Variants in ITGA8 observed in about 807,000 individuals in gnomAD.
ITGA8 encodes the protein integrin alpha-8.
Under a neutral mutation model 142.3 loss-of-function variants are expected in ITGA8, and 91 were observed. That is an observed-to-expected ratio of 0.64 (90% confidence interval 0.54 to 0.76). ITGA8 has a LOEUF of 0.76. Among genes scored for constraint, ITGA8 ranks in the 30% least tolerant of loss-of-function variants. ITGA8 has a pLI of 0.00. For synonymous variants in ITGA8, 505 were observed against 485.2 expected, an observed-to-expected ratio of 1.04 and a Z score of -0.54; for missense variants, 1,406 against 1,327.7, an observed-to-expected ratio of 1.06 and a Z score of -0.92.
At chr10:15,565,533 G>T (rs1448615444) in intron 25 of ITGA8, among the ~76,000 whole-genome samples, 6 of 141,670 alleles carry the variant, frequency 4.2e-5, no homozygotes, top group Admixed American at 3.5e-4. Context: ...GGAGTTAATG[G>T]TAAAGATATA....
chr10:15,521,515 T>C (rs1470332981), intron 28 of ITGA8, among the ~76,000 whole-genome samples: 1 of 152,138 alleles, frequency 6.6e-6, no homozygotes, highest in Non-Finnish European at 1.5e-5. Context: ...AGGAGTGAGA[T>C]AGGGAGAGAG....
At chr10:15,716,027 T>A (rs569137239) in intron 2 of ITGA8, among the ~76,000 whole-genome samples, 2 of 152,322 alleles carry the variant, frequency 1.3e-5, no homozygotes, top group African/African-American at 4.8e-5. Flanking sequence ...ATGGCCGACA[T>A]GGGGAACTTT....
intron 25 of ITGA8, among the ~76,000 whole-genome samples, chr10:15,570,641 A>C (rs1834163691): frequency 6.6e-6 from 1 of 151,200 alleles, no homozygotes; most frequent in East Asian, 1.9e-4. Flanking sequence ...AAAAGAGAAT[A>C]AGTGGGGAGT....
intron 8 of ITGA8, among the ~76,000 whole-genome samples, chr10:15,669,842 G>A (rs4356130): frequency 6.6e-6 from 1 of 151,930 alleles, no homozygotes; most frequent in Admixed American, 6.6e-5. Flanking sequence ...TTGGTGAACC[G>A]CAGATGCTGC....
At chr10:15,690,688 CAG>C (rs1834917717) in intron 2 of ITGA8, among the ~76,000 whole-genome samples, 1 of 152,128 alleles carries the variant, frequency 6.6e-6, no homozygotes, top group South Asian at 2.1e-4. Flanking sequence ...AAAATGAAAA[CAG>C]AAAGATTTCT....
chr10:15,651,992 T>C (rs961706786), intron 11 of ITGA8, among the ~76,000 whole-genome samples: 1 of 152,180 alleles, frequency 6.6e-6, no homozygotes, highest in Non-Finnish European at 1.5e-5. Context: ...AGTAAATTAA[T>C]GGAAATATCC....
intron 2 of ITGA8, among the ~76,000 whole-genome samples, chr10:15,710,591 AAC>A (rs1189965839): frequency 2.0e-5 from 3 of 152,196 alleles, no homozygotes; most frequent in African/African-American, 7.2e-5. Flanking sequence ...GGTGTGTGGC[AAC>A]ACGTGTGTAT....
chr10:15,671,080 G>A (rs1834506500), intron 8 of ITGA8, among the ~76,000 whole-genome samples: 1 of 152,110 alleles, frequency 6.6e-6, no homozygotes, highest in Admixed American at 6.6e-5. Context: ...ATGTCCATCA[G>A]CCCTGGTAGA....
intron 25 of ITGA8, among the ~76,000 whole-genome samples, chr10:15,567,072 C>T (rs1467629899): frequency 6.7e-6 from 1 of 150,308 alleles, no homozygotes; most frequent in African/African-American, 2.4e-5. Context: ...GGAGAATGAC[C>T]TGAACCCAGG....
intron 27 of ITGA8, among the ~76,000 whole-genome samples, chr10:15,531,391 C>T (rs1220511160): frequency 6.6e-6 from 1 of 152,122 alleles, no homozygotes; most frequent in East Asian, 1.9e-4. Context: ...TCTATCCAAG[C>T]ATCCATCTAT....
intron 14 of ITGA8, among the ~76,000 whole-genome samples, chr10:15,615,639 G>A (rs769673992): frequency 4.6e-5 from 7 of 152,046 alleles, no homozygotes; most frequent in Non-Finnish European, 1.0e-4. Flanking sequence ...TCAGCCTCCC[G>A]AGTAGCTGGG....
At chr10:15,608,114 G>A in intron 16 of ITGA8, 121 bp downstream of exon 16, 1 of 741,566 alleles carries the variant, frequency 1.3e-6, no homozygotes, top group South Asian at 1.6e-5. Flanking sequence ...TTCCATATAT[G>A]CAACAGATAT....
chr10:15,680,324 T>C (rs1237960012), intron 4 of ITGA8, among the ~76,000 whole-genome samples: 1 of 147,500 alleles, frequency 6.8e-6, no homozygotes, highest in Non-Finnish European at 1.5e-5. Context: ...GCCTCCCGGG[T>C]TCACGCCATT....
At chr10:15,592,159 A>T (rs902673530) in intron 22 of ITGA8, 66 bp downstream of exon 22, 14 of 1,211,038 alleles carry the variant, frequency 1.2e-5, no homozygotes, top group Non-Finnish European at 1.7e-5. Flanking sequence ...GACAGATGAC[A>T]TCATTTCACT....
intron 2 of ITGA8, among the ~76,000 whole-genome samples, chr10:15,699,289 C>CA (rs1835114593): frequency 6.6e-6 from 1 of 151,954 alleles, no homozygotes; most frequent in African/African-American, 2.4e-5. Context: ...ATCTCAAAAA[C>CA]AAACAAACAA....
In ITGA8 at chr10:15,647,023, G is replaced by A. The variant is rs1833994555; in HGVS notation, c.1030C>T (p.Leu344Phe). The change falls in exon 12 of 30, where the codon CTC becomes TTC. Residue 344 changes from leucine (L) to phenylalanine (F), a missense_variant. By Grantham distance (22) the Leu-to-Phe change is conservative. Transcript: ENST00000378076. ...GLDDVLVGAP[L>F]FMEREFESNP... Reference sequence around the variant, plus strand: ...CTCTCAAATTCACGTTCCATAAAGAGAGGTGCCCCAACCAGGACATCATCC... The same window carrying A: ...CTCTCAAATTCACGTTCCATAAAGAAAGGTGCCCCAACCAGGACATCATCC... The A allele has an allele frequency of 1.2e-6, 2 of 1,613,598 alleles. No homozygotes were observed. The highest frequency in any genetic ancestry group is 2.7e-5 in the African/African-American group (2 of 74,896).
chr10:15,681,700 A>G (rs1210580862), intron 4 of ITGA8, among the ~76,000 whole-genome samples: 3 of 152,156 alleles, frequency 2.0e-5, no homozygotes, highest in Non-Finnish European at 2.9e-5. Flanking sequence ...AATAACCTAC[A>G]TTATCAAGGC....
intron 15 of ITGA8, 88 bp downstream of exon 15, chr10:15,613,572 A>G: frequency 1.1e-6 from 1 of 952,062 alleles, no homozygotes; most frequent in Non-Finnish European, 1.7e-6. Context: ...CCTACCCCAG[A>G]CTTACTGAAT....
At chr10:15,563,712 C>T (rs569237663) in intron 25 of ITGA8, among the ~76,000 whole-genome samples, 20 of 152,216 alleles carry the variant, frequency 1.3e-4, no homozygotes, top group South Asian at 6.2e-4. Flanking sequence ...GCCAGGAGTT[C>T]GAGACCAGCC....
Sources: gnomAD v4.1 joint callset for allele counts (sites outside exome capture counted in the v4.1 genomes callset) on GRCh38, gnomAD v4.1.1 for gene constraint, MANE v1.5 for transcripts, NCBI Gene and HGNC (gene_info 2026-07-23, HGNC 2026-07-21) for gene names.